Variants in FRMD4A observed in about 807,000 individuals in gnomAD.
FRMD4A encodes the protein FERM domain-containing protein 4A.
In FRMD4A, 29 loss-of-function variants were observed where a neutral mutation model predicts 129.1. The observed-to-expected ratio is 0.22, with a 90% CI of 0.17 to 0.31. The LOEUF is 0.31. Ranked by LOEUF, FRMD4A falls within the 10% of genes least tolerant of loss-of-function variation. FRMD4A has a pLI of 1.00. For missense variants in FRMD4A, 1,272 were observed against 1,375.8 expected (o/e 0.92, Z 1.19); for synonymous variants, 634 against 571.6 (o/e 1.11, Z -1.56).
At position 14,055,471 on chromosome 10, in the gene FRMD4A, ACACACAC is replaced by A. The variant is rs1565216304; in HGVS notation, c.46-196566_46-196560del. Among the ~76,000 whole-genome samples the A allele has an allele frequency of 3.1e-3, 347 of 110,402 alleles. 1 individual carries two copies. The highest frequency in any genetic ancestry group is 0.012 in the African/African-American group (326 of 26,932). The allele number at this position is 110,402 out of a possible 152,430, so 72.4% of individuals were successfully genotyped here. ...CACACACACACACACAAACACACAC[ACACACAC>A]ACACACACACACACACACACTCAAG... is the stretch of plus-strand genomic sequence containing the variant. On this transcript the variant is annotated intron_variant, in intron 2 of 24. Coordinates refer to ENST00000357447, the MANE Select transcript of FRMD4A (RefSeq NM_018027.5).
intron 2 of FRMD4A, among the ~76,000 whole-genome samples, chr10:14,161,989 GT>G (rs1369597251): frequency 6.6e-6 from 1 of 150,560 alleles, no homozygotes; most frequent in South Asian, 2.1e-4. Context: ...CTAATAATAT[GT>G]TTATATTAAA....
intron 2 of FRMD4A, among the ~76,000 whole-genome samples, chr10:13,950,229 A>G (rs2095362257): frequency 6.6e-6 from 1 of 152,392 alleles, no homozygotes; most frequent in East Asian, 1.9e-4. Context: ...AGGCAAAAAA[A>G]GAAAGGGACA....
At chr10:13,986,908 T>G (rs1038434411) in intron 2 of FRMD4A, among the ~76,000 whole-genome samples, 3 of 151,968 alleles carry the variant, frequency 2.0e-5, no homozygotes, top group African/African-American at 7.2e-5. Flanking sequence ...AGGGTTTCGG[T>G]CAGTGGTTCT....
chr10:14,119,249 C>T (rs1340273748), intron 2 of FRMD4A, among the ~76,000 whole-genome samples: 1 of 152,116 alleles, frequency 6.6e-6, no homozygotes, highest in African/African-American at 2.4e-5. Flanking sequence ...TAGAACAGCA[C>T]CTATCGGGAG....
intron 2 of FRMD4A, among the ~76,000 whole-genome samples, chr10:14,239,601 T>C (rs938112981): frequency 6.6e-6 from 1 of 151,462 alleles, no homozygotes; most frequent in African/African-American, 2.4e-5. Flanking sequence ...CACTCCAGCC[T>C]GGGCGACATA....
intron 2 of FRMD4A, among the ~76,000 whole-genome samples, chr10:13,957,765 T>C (rs544787188): frequency 6.6e-6 from 1 of 152,134 alleles, no homozygotes; most frequent in East Asian, 1.9e-4. Flanking sequence ...CAGTTTTCCA[T>C]TCCATTTATT....
chr10:13,661,254 G>A (rs761729722), intron 19 of FRMD4A, among the ~76,000 whole-genome samples: 4 of 152,204 alleles, frequency 2.6e-5, no homozygotes, highest in African/African-American at 4.8e-5. Flanking sequence ...GATCTAACAC[G>A]TCAGTGCGCT....
chr10:13,756,978 C>A (rs2091891945), intron 8 of FRMD4A, among the ~76,000 whole-genome samples: 1 of 152,102 alleles, frequency 6.6e-6, no homozygotes, highest in African/African-American at 2.4e-5. Flanking sequence ...CTATCATAAC[C>A]CAAGAGTTTT....
intron 2 of FRMD4A, chr10:14,008,162 C>CTCTGTGTGTG: frequency 6.4e-6 from 4 of 628,412 alleles, no homozygotes; most frequent in Non-Finnish European, 8.6e-6. Flanking sequence ...TGGTGTACAG[C>CTCTGTGTGTG]TGTGTGTGTG....
chr10:14,240,624 T>C (rs1047668528), intron 2 of FRMD4A, among the ~76,000 whole-genome samples: 1 of 152,198 alleles, frequency 6.6e-6, no homozygotes, highest in Non-Finnish European at 1.5e-5. Flanking sequence ...ACTTCCCTTG[T>C]ACCTGCATAA....
At chr10:14,109,730 G>A (rs1363977739) in intron 2 of FRMD4A, among the ~76,000 whole-genome samples, 2 of 152,100 alleles carry the variant, frequency 1.3e-5, no homozygotes, top group South Asian at 4.2e-4. Flanking sequence ...TCAGCACTTT[G>A]GGAGGCTGAG....
chr10:14,247,199 T>C (rs1051097007), intron 2 of FRMD4A, among the ~76,000 whole-genome samples: 5 of 152,174 alleles, frequency 3.3e-5, no homozygotes, highest in African/African-American at 1.2e-4. Context: ...AGTGGGAGAC[T>C]GTGATGGCCA....
chr10:14,236,848 G>C (rs1843834744), intron 2 of FRMD4A, among the ~76,000 whole-genome samples: 1 of 152,096 alleles, frequency 6.6e-6, no homozygotes, highest in South Asian at 2.1e-4. Flanking sequence ...GATCCACCCT[G>C]CTCCTGAGTG....
chr10:13,709,458 G>C (rs530130011), intron 12 of FRMD4A, among the ~76,000 whole-genome samples: 1 of 152,184 alleles, frequency 6.6e-6, no homozygotes, highest in Admixed American at 6.5e-5. Flanking sequence ...AATCCTTGCA[G>C]ATTAAAAGAG....
intron 12 of FRMD4A, among the ~76,000 whole-genome samples, chr10:13,714,071 T>C (rs1406873883): frequency 3.4e-5 from 3 of 89,354 alleles, no homozygotes; most frequent in Non-Finnish European, 6.7e-5. Flanking sequence ...AAATATACTT[T>C]TTTTTTGAGA....
chr10:13,736,025 C>T (rs1024697326), intron 12 of FRMD4A, among the ~76,000 whole-genome samples: 3 of 152,004 alleles, frequency 2.0e-5, no homozygotes, highest in Non-Finnish European at 2.9e-5. Flanking sequence ...TGGTGGCAGG[C>T]GCCTGTAATC....
At chr10:13,773,930 G>C (rs2092529971) in intron 6 of FRMD4A, among the ~76,000 whole-genome samples, 1 of 152,220 alleles carries the variant, frequency 6.6e-6, no homozygotes, top group Non-Finnish European at 1.5e-5. Flanking sequence ...CGGGAAAGCT[G>C]TGCCGTCTTA....
chr10:14,318,478 G>A (rs1269984301), intron 2 of FRMD4A, among the ~76,000 whole-genome samples: 1 of 152,122 alleles, frequency 6.6e-6, no homozygotes, highest in African/African-American at 2.4e-5. Context: ...AGGTCACAGA[G>A]CAGGCTGACC....
chr10:14,223,317 C>T (rs750515125), intron 2 of FRMD4A, among the ~76,000 whole-genome samples: 18 of 152,190 alleles, frequency 1.2e-4, no homozygotes, highest in Non-Finnish European at 1.9e-4. Context: ...GAAAATTCTT[C>T]CTTTCTTCCC....
Sources: gnomAD v4.1 joint callset for allele counts (sites outside exome capture counted in the v4.1 genomes callset) on GRCh38, gnomAD v4.1.1 for gene constraint, MANE v1.5 for transcripts, NCBI Gene and HGNC (gene_info 2026-07-23, HGNC 2026-07-21) for gene names.